RNF13: variants seen among roughly 807,000 people sequenced by gnomAD.
RNF13 encodes the protein E3 ubiquitin-protein ligase RNF13.
RNF13 carries 19 observed loss-of-function variants against 37.7 expected under a neutral mutation model. The observed-to-expected ratio is 0.50, with a 90% CI of 0.35 to 0.74. The LOEUF (loss-of-function observed/expected upper bound fraction) is 0.74, where lower values mean the gene tolerates loss of function less well. Ranked by LOEUF, RNF13 falls within the 30% of genes least tolerant of loss-of-function variation. The probability of loss-of-function intolerance (pLI) is 0.01; values close to 1 mark genes in which losing one functional copy is unlikely to be tolerated. For synonymous variants in RNF13, 144 were observed against 157.8 expected (o/e 0.91, Z 0.65); for missense variants, 375 against 453.0 (o/e 0.83, Z 1.56).
chr3:149,846,834 T>C (rs905206718), intron 2 of RNF13, among the ~76,000 whole-genome samples: 5 of 152,316 alleles, frequency 3.3e-5, no homozygotes, highest in African/African-American at 1.2e-4. Flanking sequence ...ATTTAAGAAA[T>C]TCTATAAGAT....
intron 4 of RNF13, among the ~76,000 whole-genome samples, chr3:149,881,013 A>G (rs1024950546): frequency 2.0e-5 from 3 of 152,166 alleles, no homozygotes; most frequent in African/African-American, 7.2e-5. Context: ...TACACTACCT[A>G]TACGATAATA....
intron 1 of RNF13, among the ~76,000 whole-genome samples, chr3:149,825,754 T>A (rs193067733): frequency 6.6e-6 from 1 of 152,342 alleles, no homozygotes; most frequent in East Asian, 1.9e-4. Context: ...TAATAATTCC[T>A]TTTCTCTAAA....
intron 3 of RNF13, among the ~76,000 whole-genome samples, chr3:149,863,404 G>A (rs373898024): frequency 2.6e-5 from 4 of 152,060 alleles, no homozygotes; most frequent in African/African-American, 7.2e-5. Flanking sequence ...TTTTAAGATG[G>A]AGACTCGCTC....
chr3:149,874,013 A>T (rs779851899), intron 4 of RNF13, among the ~76,000 whole-genome samples: 3 of 152,216 alleles, frequency 2.0e-5, no homozygotes, highest in Non-Finnish European at 2.9e-5. Context: ...AAACATGTAC[A>T]TATGAAAAAC....
At chr3:149,831,603 G>A (rs1175180249) in intron 1 of RNF13, among the ~76,000 whole-genome samples, 1 of 152,164 alleles carries the variant, frequency 6.6e-6, no homozygotes, top group Non-Finnish European at 1.5e-5. Context: ...AGGCTCATAG[G>A]CGGAACGGAC....
intron 3 of RNF13, among the ~76,000 whole-genome samples, chr3:149,860,266 A>AT (rs1483565842): frequency 5.4e-5 from 5 of 92,782 alleles, no homozygotes; most frequent in Non-Finnish European, 1.1e-4. Flanking sequence ...TAAAAAAAAA[A>AT]AAAAATATAT....
intron 1 of RNF13, among the ~76,000 whole-genome samples, chr3:149,838,702 G>T (rs1721893618): frequency 6.6e-6 from 1 of 152,256 alleles, no homozygotes; most frequent in African/African-American, 2.4e-5. Flanking sequence ...CTCTGGGCCT[G>T]TGATGGGAGA....
chr3:149,838,276 T>G (rs889060600), intron 1 of RNF13, among the ~76,000 whole-genome samples: 1 of 152,182 alleles, frequency 6.6e-6, no homozygotes, highest in African/African-American at 2.4e-5. Flanking sequence ...GATCTACTAT[T>G]CTGGCGTCTG....
At chr3:149,844,023 G>A (rs1722411464) in intron 1 of RNF13, among the ~76,000 whole-genome samples, 1 of 152,178 alleles carries the variant, frequency 6.6e-6, no homozygotes, top group Admixed American at 6.5e-5. Context: ...TGGAAATTTA[G>A]ATGGAAAGTC....
intron 3 of RNF13, among the ~76,000 whole-genome samples, chr3:149,859,919 A>G (rs1424212762): frequency 6.6e-6 from 1 of 152,094 alleles, no homozygotes; most frequent in Non-Finnish European, 1.5e-5. Context: ...TAACCAAAGA[A>G]ATCCTGAACA....
intron 7 of RNF13, among the ~76,000 whole-genome samples, chr3:149,915,972 C>T (rs547464265): frequency 6.6e-6 from 1 of 152,150 alleles, no homozygotes; most frequent in South Asian, 2.1e-4. Flanking sequence ...TACACTTAAA[C>T]GTGGTTGAGA....
chr3:149,942,809 G>C (rs1720400309), intron 8 of RNF13, among the ~76,000 whole-genome samples: 1 of 152,078 alleles, frequency 6.6e-6, no homozygotes, highest in South Asian at 2.1e-4. Context: ...GTCTTCTTTT[G>C]TTGACTATGA....
At chr3:149,865,315 C>G (rs1724686540) in intron 3 of RNF13, among the ~76,000 whole-genome samples, 1 of 122,340 alleles carries the variant, frequency 8.2e-6, no homozygotes, top group African/African-American at 3.0e-5. Context: ...AAACTTCTTT[C>G]TAGATGTTTT....
intron 2 of RNF13, among the ~76,000 whole-genome samples, chr3:149,849,281 TCAAA>T (rs552842498): frequency 5.9e-5 from 9 of 152,088 alleles, no homozygotes; most frequent in Non-Finnish European, 1.3e-4. Flanking sequence ...TATATGAGAG[TCAAA>T]CAACCCATGT....
At chr3:149,931,044 T>C (rs1345481558) in intron 8 of RNF13, among the ~76,000 whole-genome samples, 1 of 152,042 alleles carries the variant, frequency 6.6e-6, no homozygotes, top group Admixed American at 6.6e-5. Flanking sequence ...TTTTTTTGGT[T>C]GTGTGTGTGT....
In RNF13 at chr3:149,961,349, A is replaced by G. The variant is rs1476625423; in HGVS notation, c.*245A>G. On this transcript the variant is annotated 3_prime_UTR_variant, in exon 10 of 10. Coordinates refer to ENST00000392894, the MANE Select transcript of RNF13 (RefSeq NM_183381.3). Reference sequence around the variant, plus strand: ...TCAGCTCTTCTTTTGGAATGAAAGTATAGCCAAAACATAAAAAAAAAAAAA... The same window carrying G: ...TCAGCTCTTCTTTTGGAATGAAAGTGTAGCCAAAACATAAAAAAAAAAAAA... The G allele has an allele frequency of 3.2e-6, 2 of 618,826 alleles. No homozygotes were observed. Among genetic ancestry groups the G allele is most frequent in the South Asian group, 3.1e-5 (2 of 63,954 alleles). 38.3% of individuals were successfully genotyped at this position (618,826 alleles called of 1,614,324 possible). A position where few individuals can be genotyped will look rare whatever the true frequency, so the allele number is the denominator to read the frequency against.
intron 1 of RNF13, among the ~76,000 whole-genome samples, chr3:149,835,782 T>A (rs1228207922): frequency 3.9e-5 from 6 of 152,042 alleles, no homozygotes; most frequent in Non-Finnish European, 7.4e-5. Context: ...TATAAACGTG[T>A]GTGCAAATAT....
At chr3:149,902,222 T>C in intron 6 of RNF13, 60 bp downstream of exon 6, 1 of 743,306 alleles carries the variant, frequency 1.3e-6, no homozygotes, top group South Asian at 1.9e-5. Flanking sequence ...TAAGGTAGAA[T>C]TATATAATAT....
chr3:149,937,899 A>G (rs532460087), intron 8 of RNF13, among the ~76,000 whole-genome samples: 7 of 152,100 alleles, frequency 4.6e-5, no homozygotes, highest in South Asian at 4.1e-4. Flanking sequence ...TGTATATTCT[A>G]TTTCTTGTTG....
Sources: gnomAD v4.1 joint callset for allele counts (sites outside exome capture counted in the v4.1 genomes callset) on GRCh38, gnomAD v4.1.1 for gene constraint, MANE v1.5 for transcripts, NCBI Gene and HGNC (gene_info 2026-07-23, HGNC 2026-07-21) for gene names.